The following PKD2L1 variants were observed in gnomAD, a reference collection of about 807,000 sequenced individuals.
PKD2L1 encodes the protein polycystin 2 like 1, transient receptor potential cation channel.
In PKD2L1, 77 loss-of-function variants were observed where a neutral mutation model predicts 93.0. The observed-to-expected ratio is 0.83, with a 90% CI of 0.69 to 1.00. The LOEUF (loss-of-function observed/expected upper bound fraction) is 1.00. Among genes scored for constraint, PKD2L1 ranks in the 50% least tolerant of loss-of-function variants. PKD2L1 has a pLI of 0.00. For missense variants in PKD2L1, 977 were observed against 990.9 expected (o/e 0.99, Z 0.19); for synonymous variants, 390 against 388.0 (o/e 1.01, Z -0.06).
intron 6 of PKD2L1, among the ~76,000 whole-genome samples, chr10:100,296,621 A>G (rs527681403): frequency 4.6e-5 from 7 of 152,266 alleles, no homozygotes; most frequent in Non-Finnish European, 1.0e-4. Context: ...TGTCTTGTTA[A>G]TAGGAGGGAG....
intron 2 of PKD2L1, among the ~76,000 whole-genome samples, chr10:100,323,510 C>T (rs1589684024): frequency 6.6e-6 from 1 of 152,160 alleles, no homozygotes; most frequent in East Asian, 1.9e-4. Context: ...CTCAGGTGGT[C>T]CACCCGCCTC....
chr10:100,330,003 GT>G lies in PKD2L1; in HGVS notation c.100del (p.Thr34ArgfsTer2). ...GCTGGAGATGGTGCAGACTCTCAGC[GT>G]CCCGTGTGGGGAAGGGGGACCACTG... ...AYSGPPSPHG[T>X]LRVCTISSTG... On this transcript the variant is annotated frameshift_variant, in exon 1 of 16. Coordinates refer to ENST00000318222, the MANE Select transcript of PKD2L1 (RefSeq NM_016112.3). LOFTEE classifies it high-confidence loss of function. 1.2e-6 allele frequency: 2 copies of G among 1,613,810 alleles called. No homozygotes were observed. Among genetic ancestry groups the G allele is most frequent in the Non-Finnish European group, 1.7e-6 (2 of 1,179,784 alleles).
At chr10:100,294,425 C>T (rs1271330226) in intron 9 of PKD2L1, 110 bp downstream of exon 9, 2 of 1,178,008 alleles carry the variant, frequency 1.7e-6, no homozygotes, top group East Asian at 2.4e-5. Flanking sequence ...CCCCCACTCA[C>T]TCTCCATCCT....
At chr10:100,298,415 C>A in intron 4 of PKD2L1, 147 bp downstream of exon 4, 1 of 784,384 alleles carries the variant, frequency 1.3e-6, no homozygotes. Context: ...CAAACAGTCA[C>A]AGCTGGGATT....
chr10:100,291,370 G>A lies in PKD2L1; in HGVS notation c.1938C>T (p.Asp646=). The change falls in exon 12 of 16, where the codon GAC becomes GAT. Residue 646 remains aspartate (D), a synonymous_variant. Coordinates refer to ENST00000318222, the MANE Select transcript of PKD2L1 (RefSeq NM_016112.3). ...CATCCAGAATACGATTCCCATCTCT[G>A]TCAAACTTGGTGAAGGTGGCCGTGA... ...TELTATFTKF[D]RDGNRILDEK... 1 of 1,613,980 alleles carries A rather than the reference G, an allele frequency of 6.2e-7. No homozygotes were observed. The highest frequency in any genetic ancestry group is 8.5e-7 in the Non-Finnish European group (1 of 1,179,918).
rs1231740856 is a variant in PKD2L1, at chr10:100,289,058, T to C, written c.2251-2A>G. On this transcript the variant is annotated splice_acceptor_variant, in intron 14 of 15. Transcript: ENST00000318222. LOFTEE classifies it high-confidence loss of function. ...GTGCTTCCAAATAGCTTGTTCCTTCTGTTGGAAGAAGAAAGGGACAAATCA... is the reference window on the plus strand; with the variant it reads ...GTGCTTCCAAATAGCTTGTTCCTTCCGTTGGAAGAAGAAAGGGACAAATCA... The C allele has an allele frequency of 6.8e-6, 11 of 1,608,514 alleles. No individual in the cohort carries two copies. The highest frequency in any genetic ancestry group is 9.4e-6 in the Non-Finnish European group (11 of 1,175,622).
Position 100,329,989 on chromosome 10 carries a change from T to G in PKD2L1, c.115A>C (p.Thr39Pro). The G allele has an allele frequency of 6.2e-7, 1 of 1,613,906 alleles. No homozygotes were observed. The highest frequency in any genetic ancestry group is 8.5e-7 in the Non-Finnish European group (1 of 1,179,828). The change falls in exon 1 of 16, where the codon ACC becomes CCC. Residue 39 changes from threonine (T) to proline (P), a missense_variant. Thr to Pro is a conservative substitution (Grantham distance 38). Coordinates refer to ENST00000318222, the MANE Select transcript of PKD2L1 (RefSeq NM_016112.3). The part of the protein sequence containing the change: ...PSPHGTLRVC[T>P]ISSTGPLQPQ... ...TGGAGAGGCCCCGTGCTGGAGATGG[T>G]GCAGACTCTCAGCGTCCCGTGTGGG...
At chr10:100,293,513 A>T (rs1419225545) in intron 9 of PKD2L1, 134 bp from the exon 10 acceptor site, 3 of 640,468 alleles carry the variant, frequency 4.7e-6, no homozygotes, top group Non-Finnish European at 8.6e-6. Flanking sequence ...GCAGCCCATC[A>T]ATCCCTGCCT....
intron 2 of PKD2L1, among the ~76,000 whole-genome samples, chr10:100,299,931 T>C (rs1848640978): frequency 2.6e-5 from 4 of 152,190 alleles, no homozygotes. Context: ...CCTCCTCTTC[T>C]TCCAACCCAC....
intron 2 of PKD2L1, among the ~76,000 whole-genome samples, chr10:100,328,842 G>A (rs945633663): frequency 1.3e-5 from 2 of 152,068 alleles, no homozygotes; most frequent in Non-Finnish European, 2.9e-5. Context: ...TGCCCACTTC[G>A]GCCTCCCAAA....
chr10:100,320,984 A>C (rs1849214554), intron 2 of PKD2L1, among the ~76,000 whole-genome samples: 1 of 152,252 alleles, frequency 6.6e-6, no homozygotes, highest in Non-Finnish European at 1.5e-5. Flanking sequence ...ATTTACCATG[A>C]TAGGCAAATA....
At position 100,296,103 on chromosome 10, in the gene PKD2L1, G is replaced by A. The variant is rs1848530174; in HGVS notation, c.1356+19C>T. 6.3e-6 allele frequency: 10 copies of A among 1,594,934 alleles called. No homozygotes were observed. The highest frequency in any genetic ancestry group is 8.5e-6 in the Non-Finnish European group (10 of 1,170,828). On this transcript the variant is annotated intron_variant, in intron 7 of 15. Coordinates refer to ENST00000318222, the MANE Select transcript of PKD2L1 (RefSeq NM_016112.3). ...TGAGTGCGCCTTGAAGCAAAGCTGG[G>A]TGTGGGAATCCCAGGTACCTTGATC...
intron 14 of PKD2L1, 144 bp downstream of exon 14, chr10:100,289,871 G>A: frequency 1.0e-6 from 1 of 994,474 alleles, no homozygotes; most frequent in Non-Finnish European, 1.5e-6. Flanking sequence ...CATCTCTGCT[G>A]ATACACTAAC....
chr10:100,318,760 C>T (rs894899119), intron 2 of PKD2L1, among the ~76,000 whole-genome samples: 14 of 151,862 alleles, frequency 9.2e-5, no homozygotes, highest in African/African-American at 3.4e-4. Flanking sequence ...ACCTCGTGAT[C>T]CACCCACCTT....
Position 100,295,011 on chromosome 10 carries a change from G to C in PKD2L1, c.1469C>G (p.Ala490Gly). The C allele has an allele frequency of 6.2e-7, 1 of 1,614,146 alleles. No homozygotes were observed. The highest frequency in any genetic ancestry group is 1.1e-5 in the South Asian group (1 of 91,092). The change falls in exon 8 of 16, where the codon GCC becomes GGC. Residue 490 changes from alanine to glycine, a missense_variant. By Grantham distance (60) the Ala-to-Gly change is moderately conservative. Transcript: ENST00000318222. The part of the protein sequence containing the change: ...FAVMFFIVFF[A>G]YAQLGYLLFG... ...AAGCAGGTAGCCGAGTTGGGCATAG[G>C]CGAAGAAAACAATGAAGAACATGAC...
intron 5 of PKD2L1, 29 bp downstream of exon 5, chr10:100,297,353 G>A: frequency 2.5e-6 from 4 of 1,579,728 alleles, no homozygotes; most frequent in Non-Finnish European, 3.5e-6. Flanking sequence ...GCCATGGACA[G>A]GGTGATAAAG....
chr10:100,296,310 T>C lies in PKD2L1; in HGVS notation c.1186-18A>G, dbSNP rs1848538286. The C allele has an allele frequency of 1.3e-6, 2 of 1,551,582 alleles. No homozygotes were observed. The highest frequency in any genetic ancestry group is 4.9e-5 in the East Asian group (2 of 40,712). The stretch of plus-strand genomic sequence containing the variant: ...ATGGAGAGCTGTCACACAGGGGTCA[T>C]GGGGGTGTCAGAGAAGGCAAGGGGA... On this transcript the variant is annotated intron_variant, in intron 6 of 15. Coordinates refer to ENST00000318222, the MANE Select transcript of PKD2L1 (RefSeq NM_016112.3).
chr10:100,290,137 G>A lies in PKD2L1; in HGVS notation c.2128C>T (p.Leu710Phe). Residue 710 changes from leucine to phenylalanine, a missense_variant and splice_region_variant, in exon 14 of 16, where the codon CTC (leucine) becomes TTC (phenylalanine). Leu to Phe is a conservative substitution (Grantham distance 22). Coordinates refer to ENST00000318222, the MANE Select transcript of PKD2L1 (RefSeq NM_016112.3). ...GWVSGEEFYMLTRRVLQLETV... is the reference protein window; with the variant it reads ...GWVSGEEFYMFTRRVLQLETV... ...TCCAGCTGCAGAACTCTCCTTGTGAGCCTGTGTGGGATTTGAGAGAGACGA... is the reference window on the plus strand; with the variant it reads ...TCCAGCTGCAGAACTCTCCTTGTGAACCTGTGTGGGATTTGAGAGAGACGA... 1 of 1,614,102 alleles carries A rather than the reference G, an allele frequency of 6.2e-7. No individual in the cohort carries two copies. The highest frequency in any genetic ancestry group is 1.6e-4 in the Middle Eastern group (1 of 6,062).
chr10:100,310,847 C>T (rs1848917724), intron 2 of PKD2L1, among the ~76,000 whole-genome samples: 1 of 152,170 alleles, frequency 6.6e-6, no homozygotes, highest in African/African-American at 2.4e-5. Context: ...GGAGCTGGGA[C>T]TACAGGCATG....
Sources: allele counts gnomAD v4.1 joint callset (sites outside exome capture counted in the v4.1 genomes callset), GRCh38; gene constraint gnomAD v4.1.1; transcripts MANE v1.5; gene names NCBI Gene and HGNC (gene_info 2026-07-23, HGNC 2026-07-21).